The following IRAG1 variants were observed in gnomAD, a reference collection of about 807,000 sequenced individuals.
The protein encoded by IRAG1 is IP3R-associated cGMP kinase substrate.
IRAG1 carries 62 observed loss-of-function variants against 106.2 expected under a neutral mutation model. The observed-to-expected ratio is 0.58, with a 90% CI of 0.48 to 0.72. IRAG1 has a LOEUF of 0.72. IRAG1 is among the 30% of genes least tolerant of loss of function. IRAG1 has a pLI of 0.00. For synonymous variants in IRAG1, 462 were observed against 443.9 expected, an observed-to-expected ratio of 1.04 and a Z score of -0.51; for missense variants, 1,064 against 1,140.7, an observed-to-expected ratio of 0.93 and a Z score of 0.97.
chr11:10,626,461 T>C lies in IRAG1; in HGVS notation c.873A>G (p.Glu291=). Residue 291 remains glutamate (E), a synonymous_variant, in exon 9 of 21, where the codon GAA becomes GAG. Coordinates refer to ENST00000423302, the MANE Select transcript of IRAG1 (RefSeq NM_130385.4). The part of the protein sequence containing the change: ...KSKEIAIEQK[E]NFDPLQYPET... ...CGGGGTACTGGAGGGGATCGAAGTT[T>C]TCCTTTTGTTCTATTGCAATCTCTT... 1 of 1,613,722 alleles carries C rather than the reference T, an allele frequency of 6.2e-7. No homozygotes were observed. The highest frequency in any genetic ancestry group is 8.5e-7 in the Non-Finnish European group (1 of 1,179,790).
At chr11:10,692,808 G>C (rs1318684390) in intron 1 of IRAG1, among the ~76,000 whole-genome samples, 1 of 152,222 alleles carries the variant, frequency 6.6e-6, no homozygotes, top group Non-Finnish European at 1.5e-5. Context: ...AGACAGCTGG[G>C]CCTCTCTCTG....
At chr11:10,623,175 G>T (rs1170210218) in intron 10 of IRAG1, among the ~76,000 whole-genome samples, 1 of 152,220 alleles carries the variant, frequency 6.6e-6, no homozygotes, top group Non-Finnish European at 1.5e-5. Flanking sequence ...GAGGAAGGGT[G>T]TTGGGGGCAC....
chr11:10,661,276 A>G (rs745521788), intron 1 of IRAG1, among the ~76,000 whole-genome samples: 3 of 151,926 alleles, frequency 2.0e-5, no homozygotes, highest in Non-Finnish European at 4.4e-5. Context: ...TCCTCCTTCT[A>G]TACTTTATGG....
Position 10,629,548 on chromosome 11 carries a change from G to T in IRAG1, c.564C>A (p.Asp188Glu). 3 of 1,613,352 alleles carry T rather than the reference G, an allele frequency of 1.9e-6. No homozygotes were observed. The highest frequency in any genetic ancestry group is 2.5e-6 in the Non-Finnish European group (3 of 1,179,590). ...RGRKSRSSPG[D>E]SPSAVSPNLS... ...ATCCTGCCACCCTACCTGATGGGGAGTCTCCGGGGCTGCTCCTGGACTTCC... is the reference window on the plus strand; with the variant it reads ...ATCCTGCCACCCTACCTGATGGGGATTCTCCGGGGCTGCTCCTGGACTTCC... Residue 188 changes from aspartate to glutamate, a missense_variant, in exon 5 of 21, where the codon GAC becomes GAA. By Grantham distance (45) the Asp-to-Glu change is conservative. Coordinates refer to ENST00000423302, the MANE Select transcript of IRAG1 (RefSeq NM_130385.4).
At chr11:10,650,429 G>A (rs1156856495) in intron 2 of IRAG1, among the ~76,000 whole-genome samples, 11 of 152,206 alleles carry the variant, frequency 7.2e-5, no homozygotes, top group Non-Finnish European at 2.9e-5. Flanking sequence ...TGGGGCAGCT[G>A]TTTGGGGGAG....
chr11:10,671,673 C>T lies in IRAG1; in HGVS notation c.68-19491G>A, dbSNP rs372512648. 9.8e-5 allele frequency among the ~76,000 whole-genome samples: 15 copies of T among 152,300 alleles called. No individual in the cohort carries two copies. The South Asian group carries it at 2.5e-3, about 25-fold the overall frequency. ...GTTTCAGTGAGCCAAGATCACACCACTGCACTCCAGCCTGGGTGACAGGGT... is the reference window on the plus strand; with the variant it reads ...GTTTCAGTGAGCCAAGATCACACCATTGCACTCCAGCCTGGGTGACAGGGT... On this transcript the variant is annotated intron_variant, in intron 1 of 20. Transcript: ENST00000423302.
intron 20 of IRAG1, among the ~76,000 whole-genome samples, chr11:10,579,481 T>C (rs1337058586): frequency 6.6e-6 from 1 of 152,190 alleles, no homozygotes; most frequent in African/African-American, 2.4e-5. Flanking sequence ...AAGGTGGCTA[T>C]TACTACATTT....
intron 2 of IRAG1, among the ~76,000 whole-genome samples, chr11:10,639,364 A>G (rs1423776236): frequency 6.6e-6 from 1 of 152,252 alleles, no homozygotes; most frequent in Non-Finnish European, 1.5e-5. Flanking sequence ...TCCCTAGCAG[A>G]CAAGGAGAAC....
intron 3 of IRAG1, among the ~76,000 whole-genome samples, chr11:10,632,535 C>T (rs1377976288): frequency 6.6e-6 from 1 of 152,170 alleles, no homozygotes; most frequent in African/African-American, 2.4e-5. Flanking sequence ...ATCTTACAAG[C>T]TTCTCGAGGG....
chr11:10,632,324 T>A (rs752041973), intron 3 of IRAG1, among the ~76,000 whole-genome samples: 15 of 152,068 alleles, frequency 9.9e-5, no homozygotes, highest in Middle Eastern at 3.2e-3. Flanking sequence ...TATCTGAGAC[T>A]ACAGGCATGT....
intron 17 of IRAG1, 82 bp downstream of exon 17, chr11:10,593,410 C>T (rs1203512126): frequency 8.3e-7 from 1 of 1,198,990 alleles, no homozygotes; most frequent in Non-Finnish European, 1.2e-6. Flanking sequence ...CCCATTTGGT[C>T]ACCCTCCCTG....
intron 1 of IRAG1, among the ~76,000 whole-genome samples, chr11:10,671,259 T>G (rs1379404490): frequency 6.6e-6 from 1 of 152,250 alleles, no homozygotes; most frequent in Non-Finnish European, 1.5e-5. Flanking sequence ...ACTAAAAAAC[T>G]ATTAGGACTA....
chr11:10,662,090 G>GT (rs1366979012), intron 1 of IRAG1, among the ~76,000 whole-genome samples: 1 of 152,174 alleles, frequency 6.6e-6, no homozygotes, highest in Non-Finnish European at 1.5e-5. Context: ...GAATGACACC[G>GT]TATTTCTAAA....
intron 3 of IRAG1, among the ~76,000 whole-genome samples, chr11:10,633,233 C>T (rs549972108): frequency 2.0e-5 from 3 of 152,020 alleles, no homozygotes; most frequent in South Asian, 2.1e-4. Flanking sequence ...CGCCACCACA[C>T]CCGGCTAATT....
chr11:10,577,626 A>G (rs1850959682), intron 20 of IRAG1, among the ~76,000 whole-genome samples: 1 of 152,224 alleles, frequency 6.6e-6, no homozygotes, highest in Admixed American at 6.5e-5. Context: ...TGAGGCTCAT[A>G]CACACACAGC....
At chr11:10,680,401 G>GAAAGAAAGA (rs1554935706) in intron 1 of IRAG1, among the ~76,000 whole-genome samples, 1 of 123,922 alleles carries the variant, frequency 8.1e-6, no homozygotes, top group African/African-American at 3.5e-5. Context: ...AGGAAGGAAG[G>GAAAGAAAGA]AAGGAAAGAA....
chr11:10,687,883 G>GT, intron 1 of IRAG1: 1 of 1,039,842 alleles, frequency 9.6e-7, no homozygotes, highest in African/African-American at 1.7e-5. Context: ...TTTTGGGGGG[G>GT]GGTGGTATTT....
chr11:10,597,904 T>G (rs753261847), intron 15 of IRAG1, among the ~76,000 whole-genome samples: 1 of 152,244 alleles, frequency 6.6e-6, no homozygotes, highest in Non-Finnish European at 1.5e-5. Context: ...TAACATATCT[T>G]AGAAGCACCA....
At chr11:10,632,669 G>A (rs928316041) in intron 3 of IRAG1, among the ~76,000 whole-genome samples, 9 of 152,162 alleles carry the variant, frequency 5.9e-5, no homozygotes, top group South Asian at 2.1e-4. Context: ...TGATTCTGAC[G>A]CGTGCTAAAG....
Sources: gnomAD v4.1 joint callset for allele counts (sites outside exome capture counted in the v4.1 genomes callset) on GRCh38, gnomAD v4.1.1 for gene constraint, MANE v1.5 for transcripts, NCBI Gene and HGNC (gene_info 2026-07-23, HGNC 2026-07-21) for gene names.